ERICH1: variants seen among roughly 807,000 people sequenced by gnomAD.
ERICH1 encodes the protein glutamate rich 1.
ERICH1 carries 56 observed loss-of-function variants against 39.6 expected under a neutral mutation model. The observed-to-expected ratio is 1.41, with a 90% confidence interval of 1.14 to 1.77. The LOEUF is 1.77. ERICH1 is among the 40% of genes most tolerant of loss of function. The pLI is 0.00. For missense variants in ERICH1, 826 were observed against 575.4 expected (o/e 1.44, Z -4.45); for synonymous variants, 313 against 223.6 (o/e 1.40, Z -3.57).
intron 2 of ERICH1, among the ~76,000 whole-genome samples, chr8:693,454 C>A (rs1397811984): frequency 6.6e-6 from 1 of 152,262 alleles, no homozygotes; most frequent in Non-Finnish European, 1.5e-5. Flanking sequence ...CAGGACTTAA[C>A]CACTTTCCTC....
chr8:627,273 G>A (rs767909289), intron 3 of ERICH1: 8 of 454,780 alleles, frequency 1.8e-5, no homozygotes, highest in Non-Finnish European at 2.2e-5. Context: ...TACCTTACAG[G>A]ATTGAAAAGG....
chr8:724,969 G>A (rs1022468448), intron 1 of ERICH1, among the ~76,000 whole-genome samples: 8 of 152,168 alleles, frequency 5.3e-5, no homozygotes, highest in South Asian at 2.1e-4. Context: ...CGCCAGCCAC[G>A]AAGGACCATG....
chr8:661,372 C>G (rs1801403301), downstream of ERICH1, among the ~76,000 whole-genome samples: 1 of 152,150 alleles, frequency 6.6e-6, no homozygotes, highest in Non-Finnish European at 1.5e-5. Context: ...CCGGCTTGTG[C>G]AAGCCCTCTC....
At chr8:702,031 T>A (rs1812257958) in intron 2 of ERICH1, among the ~76,000 whole-genome samples, 1 of 134,714 alleles carries the variant, frequency 7.4e-6, no homozygotes, top group African/African-American at 2.9e-5. Flanking sequence ...GAGCCAAGAT[T>A]GCACCACTGC....
At chr8:690,095 G>A (rs998468393) in intron 3 of ERICH1, among the ~76,000 whole-genome samples, 1 of 152,198 alleles carries the variant, frequency 6.6e-6, no homozygotes, top group Non-Finnish European at 1.5e-5. Flanking sequence ...GTCAACAAGA[G>A]GAGGAGTACG....
At chr8:717,520 C>A (rs1232224250) in intron 1 of ERICH1, among the ~76,000 whole-genome samples, 1 of 152,192 alleles carries the variant, frequency 6.6e-6, no homozygotes, top group African/African-American at 2.4e-5. Flanking sequence ...GGTCACATTT[C>A]CTTCAAATGT....
At position 630,257 on chromosome 8, in the gene ERICH1, TC is replaced by T. The variant is rs1409769866; in HGVS notation, c.977-14974del. 3.8e-5 allele frequency among the ~76,000 whole-genome samples: 4 copies of T among 106,336 alleles called. No homozygotes were observed. The East Asian group carries it at 1.1e-3, about 28-fold the overall frequency. The allele number at this position is 106,336 out of a possible 152,430, so 69.8% of individuals were successfully genotyped here. A position where few individuals can be genotyped will look rare whatever the true frequency, so the allele number is the denominator to read the frequency against. ...ACACAGACAGAGCTGACTCACACCC[TC>T]CCGTGACCACCCACAGGCAGAGGTG... On this transcript the variant is annotated intron_variant, in intron 3 of 3. Transcript: ENST00000522706.
chr8:632,204 T>C (rs904858421), intron 3 of ERICH1, among the ~76,000 whole-genome samples: 1 of 152,176 alleles, frequency 6.6e-6, no homozygotes, highest in Non-Finnish European at 1.5e-5. Context: ...TAGTGATTTG[T>C]CCCGGGGTCT....
At chr8:694,488 C>T (rs1809675346) in intron 2 of ERICH1, among the ~76,000 whole-genome samples, 1 of 152,192 alleles carries the variant, frequency 6.6e-6, no homozygotes, top group Admixed American at 6.5e-5. Flanking sequence ...CTCAATGACT[C>T]ATGCAGAGCA....
intron 5 of ERICH1, 98 bp downstream of exon 5, chr8:668,500 C>T: frequency 7.8e-7 from 1 of 1,279,322 alleles, no homozygotes; most frequent in Non-Finnish European, 1.1e-6. Flanking sequence ...GTCATATTTT[C>T]CAACTCATTG....
chr8:709,611 C>T (rs895455830), intron 2 of ERICH1, among the ~76,000 whole-genome samples: 1 of 152,174 alleles, frequency 6.6e-6, no homozygotes, highest in East Asian at 1.9e-4. Context: ...CTTACAGATG[C>T]CACTGAAACG....
intron 1 of ERICH1, among the ~76,000 whole-genome samples, chr8:720,333 C>G (rs986764036): frequency 7.2e-5 from 11 of 152,150 alleles, no homozygotes; most frequent in Non-Finnish European, 2.9e-5. Context: ...CGCTGAGGTA[C>G]CCACGATGAA....
chr8:696,213 C>G, intron 2 of ERICH1, among the ~76,000 whole-genome samples: 2 of 63,234 alleles, frequency 3.2e-5, no homozygotes, highest in South Asian at 8.2e-4. Context: ...TCCCCATCAG[C>G]CTGCGCCTGT....
chr8:703,707 G>C (rs1047188957), intron 2 of ERICH1, among the ~76,000 whole-genome samples: 1 of 152,222 alleles, frequency 6.6e-6, no homozygotes, highest in South Asian at 2.1e-4. Context: ...AGCCGGAAGG[G>C]TGGAAGATGA....
intron 3 of ERICH1, among the ~76,000 whole-genome samples, chr8:623,404 A>G (rs1235200347): frequency 6.6e-6 from 1 of 152,224 alleles, no homozygotes; most frequent in Non-Finnish European, 1.5e-5. Flanking sequence ...CCTGATGCTT[A>G]TGTTTATGGT....
At chr8:684,204 C>T (rs1212856845) in intron 3 of ERICH1, among the ~76,000 whole-genome samples, 3 of 152,028 alleles carry the variant, frequency 2.0e-5, no homozygotes, top group Non-Finnish European at 4.4e-5. Flanking sequence ...TGCTAAATTC[C>T]CTTAAATAAA....
At chr8:679,051 G>A (rs940484164) in intron 3 of ERICH1, among the ~76,000 whole-genome samples, 1 of 143,064 alleles carries the variant, frequency 7.0e-6, no homozygotes, top group Non-Finnish European at 1.5e-5. Flanking sequence ...TCCCTCAGCA[G>A]TGACCTCTCA....
At chr8:631,565 G>A (rs948179461) in intron 3 of ERICH1, among the ~76,000 whole-genome samples, 4 of 152,102 alleles carry the variant, frequency 2.6e-5, no homozygotes, top group Non-Finnish European at 5.9e-5. Flanking sequence ...TGAGAATTTC[G>A]GTCTCTCCTC....
chr8:655,706 T>TC (rs200336797), intron 3 of ERICH1, among the ~76,000 whole-genome samples: 2 of 136,586 alleles, frequency 1.5e-5, no homozygotes, highest in Non-Finnish European at 3.1e-5. Context: ...CTTCCTTCCT[T>TC]CTTTCCTTCC....
Sources: gnomAD v4.1 joint callset for allele counts (sites outside exome capture counted in the v4.1 genomes callset) on GRCh38, gnomAD v4.1.1 for gene constraint, MANE v1.5 for transcripts, NCBI Gene and HGNC (gene_info 2026-07-23, HGNC 2026-07-21) for gene names.